The following ADAMTS2 variants were observed in gnomAD, a reference collection of about 807,000 sequenced individuals.
ADAMTS2 encodes ADAM metallopeptidase with thrombospondin type 1 motif 2.
ADAMTS2 carries 50 observed loss-of-function variants against 123.0 expected under a neutral mutation model. The ratio of observed to expected loss-of-function variants is 0.41; its 90% CI spans 0.32 to 0.51. The LOEUF (loss-of-function observed/expected upper bound fraction) is 0.51, where lower values mean the gene tolerates loss of function less well. Among genes scored for constraint, ADAMTS2 ranks in the 20% least tolerant of loss-of-function variants. The probability of loss-of-function intolerance (pLI) is 0.35; values close to 1 mark genes in which losing one functional copy is unlikely to be tolerated. For synonymous variants in ADAMTS2, 678 were observed against 695.4 expected, an observed-to-expected ratio of 0.98 and a Z score of 0.39; for missense variants, 1,494 against 1,705.2, an observed-to-expected ratio of 0.88 and a Z score of 2.18.
intron 3 of ADAMTS2, among the ~76,000 whole-genome samples, chr5:179,245,364 T>G (rs1350762622): frequency 6.6e-6 from 1 of 152,130 alleles, no homozygotes; most frequent in East Asian, 1.9e-4. Flanking sequence ...GACTCTGACT[T>G]CCAAAACTGC....
intron 5 of ADAMTS2, among the ~76,000 whole-genome samples, chr5:179,172,248 G>A (rs984028033): frequency 2.0e-5 from 3 of 152,190 alleles, no homozygotes; most frequent in Non-Finnish European, 4.4e-5. Flanking sequence ...CCCAGGGCCT[G>A]CACATGTCCC....
rs865825635 is a variant in ADAMTS2, at chr5:179,228,307, C to A, written c.689-20592G>T. On this transcript the variant is annotated intron_variant, in intron 3 of 21. Transcript: ENST00000251582. The surrounding 1 kb of genome is among the most constrained non-coding windows in gnomAD (Gnocchi z 5.2). ...AGTAAGACACATAGAAAACCTGAGG[C>A]CCACAGAGGTGACAGGAACGGGCCA... 2.5e-3 allele frequency among the ~76,000 whole-genome samples: 378 copies of A among 152,306 alleles called. 3 individuals carry two copies. The highest frequency in any genetic ancestry group is 8.6e-3 in the African/African-American group (359 of 41,582).
rs750714127 is a variant in ADAMTS2 at position 179,207,689 on chromosome 5, G to A, written c.715C>T (p.Leu239Phe). The A allele has an allele frequency of 3.1e-6, 5 of 1,611,426 alleles. No homozygotes were observed. The South Asian group carries it at 4.4e-5, about 14-fold the overall frequency. ...TCTAGGACGCCCAGGGCGCGGCTGA[G>A]GCTGTCCAGGCTGTCCAGGGAGGCC... ...TGASLDSLDS[L>F]SRALGVLEEH... The change falls in exon 4 of 22, where the codon CTC becomes TTC. Residue 239 changes from leucine (L) to phenylalanine (F), a missense_variant. By Grantham distance (22) the Leu-to-Phe change is conservative. This residue lies in a region of ADAMTS2 where 184 missense variants were observed against 152.1 expected (regional missense o/e 1.21). Transcript: ENST00000251582.
intron 10 of ADAMTS2, among the ~76,000 whole-genome samples, chr5:179,141,250 AAAAG>A: frequency 1.3e-5 from 2 of 152,216 alleles, no homozygotes; most frequent in African/African-American, 4.8e-5. Context: ...TTCTTTCTGT[AAAAG>A]GGCCAGAGAG....
intron 2 of ADAMTS2, among the ~76,000 whole-genome samples, chr5:179,281,096 G>A (rs1267605271): frequency 6.6e-6 from 1 of 152,188 alleles, no homozygotes; most frequent in Non-Finnish European, 1.5e-5. Flanking sequence ...GACCTCAGGT[G>A]ATCCACCTGC....
At position 179,175,441 on chromosome 5, in the gene ADAMTS2, TTTGTGA is replaced by T. The variant is rs1763910392; in HGVS notation, c.975+5625_975+5630del. On this transcript the variant is annotated intron_variant, in intron 5 of 21. Coordinates refer to ENST00000251582, the MANE Select transcript of ADAMTS2 (RefSeq NM_014244.5). The surrounding 1 kb of genome is among the most constrained non-coding windows in gnomAD (Gnocchi z 4.1). The stretch of plus-strand genomic sequence containing the variant: ...CATGAGGACAGCATTTGTGTCTTCA[TTTGTGA>T]TCACTTTCTTCCTATCATTAATCAG... Among the ~76,000 whole-genome samples, 1 of 152,246 alleles carries T rather than the reference TTTGTGA, an allele frequency of 6.6e-6. No individual in the cohort carries two copies. Among genetic ancestry groups the T allele is most frequent in the Non-Finnish European group, 1.5e-5 (1 of 68,036 alleles).
chr5:179,201,492 A>T (rs529915080), intron 4 of ADAMTS2, among the ~76,000 whole-genome samples: 1 of 152,144 alleles, frequency 6.6e-6, no homozygotes, highest in African/African-American at 2.4e-5. Context: ...AATTTTACAT[A>T]GCAAAAAAAA....
chr5:179,206,056 G>A (rs1027719367), intron 4 of ADAMTS2, among the ~76,000 whole-genome samples: 1 of 152,170 alleles, frequency 6.6e-6, no homozygotes, highest in Non-Finnish European at 1.5e-5. Flanking sequence ...ACCGCACCCG[G>A]CCGTTATTAT....
intron 2 of ADAMTS2, among the ~76,000 whole-genome samples, chr5:179,315,575 C>T (rs1206370309): frequency 1.1e-4 from 16 of 152,222 alleles, no homozygotes; most frequent in African/African-American, 3.9e-4. Flanking sequence ...TCTCCACCTC[C>T]GGGGACACGA....
In ADAMTS2 at chr5:179,256,706, G is replaced by A. The variant is rs1384365293; in HGVS notation, c.688+16205C>T. The stretch of plus-strand genomic sequence containing the variant: ...TGTTCGCCCATCCAGAGGAGGCACA[G>A]AGCCTCCCACCCAGTGCTGCTGGCA... On this transcript the variant is annotated intron_variant, in intron 3 of 21. Transcript: ENST00000251582. This position sits in a 1 kb window ranked among gnomAD's most constrained non-coding sequence, Gnocchi z 4.1. Among the ~76,000 whole-genome samples the A allele has an allele frequency of 6.6e-6, 1 of 152,322 alleles. No individual in the cohort carries two copies. Among genetic ancestry groups the A allele is most frequent in the Admixed American group, 6.5e-5 (1 of 15,308 alleles).
chr5:179,140,802 T>TTTTTTTC (rs1554125108), intron 10 of ADAMTS2, among the ~76,000 whole-genome samples: 1 of 131,882 alleles, frequency 7.6e-6, no homozygotes, highest in Non-Finnish European at 1.6e-5. Flanking sequence ...GCATGCTCTT[T>TTTTTTTC]TTTTTTTTTT....
chr5:179,332,684 C>A lies in ADAMTS2; in HGVS notation c.534+11083G>T, dbSNP rs555955903. ...CAGTGGCCAGTGGCCAGCCATCGTG[C>A]AGAGAGGGGAGGGCAGAGGGGAGGG... is the stretch of plus-strand genomic sequence containing the variant. On this transcript the variant is annotated intron_variant, in intron 2 of 21. Coordinates refer to ENST00000251582, the MANE Select transcript of ADAMTS2 (RefSeq NM_014244.5). The surrounding 1 kb of genome is among the most constrained non-coding windows in gnomAD (Gnocchi z 4.2). Among the ~76,000 whole-genome samples, 77 of 124,412 alleles carry A rather than the reference C, an allele frequency of 6.2e-4. No individual in the cohort carries two copies. Among genetic ancestry groups the A allele is most frequent in the African/African-American group, 2.3e-3 (73 of 32,364 alleles). The allele number at this position is 124,412 out of a possible 152,430, so 81.6% of individuals were successfully genotyped here. A position where few individuals can be genotyped will look rare whatever the true frequency, so the allele number is the denominator to read the frequency against.
intron 10 of ADAMTS2, among the ~76,000 whole-genome samples, chr5:179,143,201 A>AG (rs1159886372): frequency 6.6e-6 from 1 of 152,186 alleles, no homozygotes; most frequent in Non-Finnish European, 1.5e-5. Flanking sequence ...TGGGAGGCCG[A>AG]GGGGGGCAGA....
At chr5:179,215,793 A>T (rs1307703779) in intron 3 of ADAMTS2, among the ~76,000 whole-genome samples, 1 of 152,206 alleles carries the variant, frequency 6.6e-6, no homozygotes, top group Non-Finnish European at 1.5e-5. Flanking sequence ...ATCAGGTTAC[A>T]GGAGAGGTCA....
chr5:179,148,054 C>A (rs1403395401), intron 10 of ADAMTS2, among the ~76,000 whole-genome samples: 1 of 152,100 alleles, frequency 6.6e-6, no homozygotes, highest in Admixed American at 6.5e-5. Flanking sequence ...CCTCCCAAAG[C>A]CCCTCCATGG....
At position 179,307,836 on chromosome 5, in the gene ADAMTS2, C is replaced by T. The variant is rs1756721874; in HGVS notation, c.535-34772G>A. The stretch of plus-strand genomic sequence containing the variant: ...AGGACCTTGGTGAAGGGTGTCCCTT[C>T]TCCATCACACTCCACACTGCCATCC... On this transcript the variant is annotated intron_variant, in intron 2 of 21. Coordinates refer to ENST00000251582, the MANE Select transcript of ADAMTS2 (RefSeq NM_014244.5). This position sits in a 1 kb window ranked among gnomAD's most constrained non-coding sequence, Gnocchi z 5.6. Among the ~76,000 whole-genome samples, 1 of 152,210 alleles carries T rather than the reference C, an allele frequency of 6.6e-6. No homozygotes were observed. Among genetic ancestry groups the T allele is most frequent in the Non-Finnish European group, 1.5e-5 (1 of 68,040 alleles).
chr5:179,172,414 C>G (rs1455403151), intron 5 of ADAMTS2, among the ~76,000 whole-genome samples: 1 of 152,244 alleles, frequency 6.6e-6, no homozygotes, highest in South Asian at 2.1e-4. Context: ...CCCAGCAAAG[C>G]AGAACTTCTG....
Position 179,118,341 on chromosome 5 carries a change from T to C in ADAMTS2, c.3178+3320A>G, listed in dbSNP as rs1285021840. On this transcript the variant is annotated intron_variant, in intron 21 of 21. Transcript: ENST00000251582. The surrounding 1 kb of genome is among the most constrained non-coding windows in gnomAD (Gnocchi z 4.5). ...GAGAAGAGTGATGCACCTGAGGTAA[T>C]GACTGGCGATGCCTCTCCGCCAAGA... is the stretch of plus-strand genomic sequence containing the variant. 1.3e-5 allele frequency among the ~76,000 whole-genome samples: 2 copies of C among 152,046 alleles called. No individual in the cohort carries two copies. The highest frequency in any genetic ancestry group is 3.9e-4 in the East Asian group (2 of 5,174).
At position 179,276,235 on chromosome 5, in the gene ADAMTS2, G is replaced by A. The variant is rs1429555396; in HGVS notation, c.535-3171C>T. On this transcript the variant is annotated intron_variant, in intron 2 of 21. Coordinates refer to ENST00000251582, the MANE Select transcript of ADAMTS2 (RefSeq NM_014244.5). ...AGGCAGGCGGGAAGAACACAGCCAG[G>A]CCTGTCCACTGGCACAGGGGCAGTG... 3.3e-5 allele frequency among the ~76,000 whole-genome samples: 5 copies of A among 152,298 alleles called. No homozygotes were observed. The East Asian group carries it at 9.7e-4, about 29-fold the overall frequency.
Sources: gnomAD v4.1 joint callset for allele counts (sites outside exome capture counted in the v4.1 genomes callset) on GRCh38, gnomAD v4.1.1 for gene constraint, gnomAD v4.1.1 regional missense constraint, Gnocchi (gnomAD v3.1) non-coding constraint, MANE v1.5 for transcripts, NCBI Gene and HGNC (gene_info 2026-07-23, HGNC 2026-07-21) for gene names.